The following COL5A1 variants were observed in gnomAD, a reference collection of about 807,000 sequenced individuals.
COL5A1 encodes the protein collagen alpha-1(V) chain.
In COL5A1, 16 loss-of-function variants were observed where a neutral mutation model predicts 263.7. The ratio of observed to expected loss-of-function variants is 0.06; its 90% CI spans 0.04 to 0.09. The LOEUF is 0.09. COL5A1 is among the 10% of genes least tolerant of loss of function. COL5A1 has a pLI of 1.00. For missense variants in COL5A1, 2,036 were observed against 2,540.5 expected (o/e 0.80, Z 4.27); for synonymous variants, 1,012 against 1,004.5 (o/e 1.01, Z -0.14).
intron 64 of COL5A1, among the ~76,000 whole-genome samples, chr9:134,833,898 G>A (rs541829415): frequency 2.0e-4 from 31 of 152,312 alleles, no homozygotes; most frequent in South Asian, 1.5e-3. Flanking sequence ...GAGGGACATC[G>A]GGAGGGCTGG....
intron 11 of COL5A1, among the ~76,000 whole-genome samples, chr9:134,744,541 C>A (rs1835413632): frequency 6.8e-6 from 1 of 147,930 alleles, no homozygotes; most frequent in African/African-American, 2.5e-5. Context: ...ACACTCACAC[C>A]CACACATGCA....
chr9:134,829,117 C>CCGT (rs1839460034), intron 63 of COL5A1, among the ~76,000 whole-genome samples: 1 of 144,648 alleles, frequency 6.9e-6, no homozygotes, highest in African/African-American at 2.6e-5. Context: ...TTCCCTTGGT[C>CCGT]CATCATTCAT....
chr9:134,723,701 C>T (rs1448093518), intron 4 of COL5A1, among the ~76,000 whole-genome samples: 1 of 151,946 alleles, frequency 6.6e-6, no homozygotes, highest in Non-Finnish European at 1.5e-5. Flanking sequence ...CTGGATGGGG[C>T]GAGGCAGGGG....
At chr9:134,775,629 G>A (rs746711742) in intron 27 of COL5A1, among the ~76,000 whole-genome samples, 1 of 152,190 alleles carries the variant, frequency 6.6e-6, no homozygotes, top group Non-Finnish European at 1.5e-5. Context: ...TGTGTAGACA[G>A]ACATACCCCT....
intron 1 of COL5A1, among the ~76,000 whole-genome samples, chr9:134,659,935 T>C (rs1382718932): frequency 6.6e-6 from 1 of 152,110 alleles, no homozygotes; most frequent in Non-Finnish European, 1.5e-5. Flanking sequence ...GTGCTGCCTG[T>C]TTAGTTTCAG....
intron 24 of COL5A1, among the ~76,000 whole-genome samples, chr9:134,768,155 GAGA>G (rs1016009232): frequency 3.0e-4 from 45 of 152,340 alleles, no homozygotes; most frequent in African/African-American, 9.6e-4. Context: ...GGTGGATGTG[GAGA>G]AGAATGGGGG....
chr9:134,842,401 G>A lies in COL5A1; in HGVS notation c.*98G>A. 7.0e-7 allele frequency: 1 copy of A among 1,435,560 alleles called. No individual in the cohort carries two copies. Among genetic ancestry groups the A allele is most frequent in the East Asian group, 2.4e-5 (1 of 41,632 alleles). 88.9% of individuals were successfully genotyped at this position (1,435,560 alleles called of 1,614,324 possible). A position where few individuals can be genotyped will look rare whatever the true frequency, so the allele number is the denominator to read the frequency against. On this transcript the variant is annotated 3_prime_UTR_variant, in exon 66 of 66. Transcript: ENST00000371817. The surrounding 1 kb of genome is among the most constrained non-coding windows in gnomAD (Gnocchi z 5.8). ...CACGTCCTGACCCTGGACAGTGAAG[G>A]CTTCTCCCTCCCCTCCCACCTGACT...
intron 11 of COL5A1, among the ~76,000 whole-genome samples, chr9:134,745,280 G>A (rs779707637): frequency 3.9e-5 from 6 of 152,228 alleles, no homozygotes; most frequent in Non-Finnish European, 8.8e-5. Context: ...GGAGAGAGAG[G>A]TGAAGGGAGC....
chr9:134,812,339 G>T lies in COL5A1; in HGVS notation c.3691-110G>T, dbSNP rs541220034. 8.3e-5 allele frequency: 96 copies of T among 1,151,544 alleles called. No individual in the cohort carries two copies. In the South Asian group the frequency reaches 1.2e-3, roughly 14 times the overall value. The allele number at this position is 1,151,544 out of a possible 1,614,324, so 71.3% of individuals were successfully genotyped here. On this transcript the variant is annotated intron_variant, in intron 46 of 65. Transcript: ENST00000371817. The stretch of plus-strand genomic sequence containing the variant: ...CTATGCACAGAGAAGCACCTTCCCG[G>T]GGCTTCGGGGGCTCAGTGGTGCTGT...
chr9:134,812,725 C>T lies in COL5A1; in HGVS notation c.3852+13C>T, dbSNP rs1450300788. On this transcript the variant is annotated intron_variant, in intron 48 of 65. Transcript: ENST00000371817. ...AGTGGGAGAGAAGGTGAGGCTCGTG[C>T]CTGCTCTGGTGGCAGATTTGCGGTT... The T allele has an allele frequency of 2.0e-6, 3 of 1,532,432 alleles. No homozygotes were observed. The highest frequency in any genetic ancestry group is 1.9e-4 in the Middle Eastern group (1 of 5,310). 94.9% of individuals were successfully genotyped at this position (1,532,432 alleles called of 1,614,324 possible).
intron 65 of COL5A1, among the ~76,000 whole-genome samples, chr9:134,839,173 G>T (rs78158265): frequency 6.6e-6 from 1 of 152,206 alleles, no homozygotes; most frequent in Admixed American, 6.5e-5. Flanking sequence ...TGACGGGGCC[G>T]CTGAGCGGGC....
At position 134,647,008 on chromosome 9, in the gene COL5A1, T is replaced by C. The variant is rs1831497167; in HGVS notation, c.109+4712T>C. On this transcript the variant is annotated intron_variant, in intron 1 of 65. Transcript: ENST00000371817. The surrounding 1 kb of genome is among the most constrained non-coding windows in gnomAD (Gnocchi z 5.0). ...GATTGAGGCCACACCTGTGAGAAGC[T>C]TTGCAGGCTGCCTGACCTGTACTCG... 6.6e-6 allele frequency among the ~76,000 whole-genome samples: 1 copy of C among 152,188 alleles called. No individual in the cohort carries two copies. Among genetic ancestry groups the C allele is most frequent in the African/African-American group, 2.4e-5 (1 of 41,444 alleles).
At position 134,727,280 on chromosome 9, in the gene COL5A1, G is replaced by A. The variant is rs1300899218; in HGVS notation, c.669G>A (p.Gln223=). ...TTCTTTTCCAGGGTGACATCCAGCA[G>A]CTGCTCTTTGTCTCGGACCACCGGG... ...DEEVFEGDIQ[Q]LLFVSDHRAA... is the part of the protein sequence containing the mutation. Residue 223 remains glutamine (Q), a synonymous_variant, in exon 5 of 66, where the codon CAG becomes CAA. Coordinates refer to ENST00000371817, the MANE Select transcript of COL5A1 (RefSeq NM_000093.5). The A allele has an allele frequency of 6.2e-7, 1 of 1,613,938 alleles. No individual in the cohort carries two copies. Among genetic ancestry groups the A allele is most frequent in the Middle Eastern group, 1.7e-4 (1 of 5,964 alleles).
At position 134,813,923 on chromosome 9, in the gene COL5A1, G is replaced by A. The variant is rs78907594; in HGVS notation, c.3853-60G>A. ...CAGGATTTGGCAAATGCTTGAAACC[G>A]TAGCACTGCGTTCATCGCGGTGCTC... On this transcript the variant is annotated intron_variant, in intron 48 of 65. Transcript: ENST00000371817. The A allele has an allele frequency of 3.7e-5, 57 of 1,526,558 alleles. No individual in the cohort carries two copies. In the South Asian group the frequency reaches 5.3e-4, roughly 14 times the overall value. 94.6% of individuals were successfully genotyped at this position (1,526,558 alleles called of 1,614,324 possible). A position where few individuals can be genotyped will look rare whatever the true frequency, so the allele number is the denominator to read the frequency against.
At chr9:134,795,603 C>G (rs917721227) in intron 34 of COL5A1, among the ~76,000 whole-genome samples, 2 of 152,146 alleles carry the variant, frequency 1.3e-5, no homozygotes, top group Non-Finnish European at 2.9e-5. Context: ...AGCAGGGGGC[C>G]AGGCCCACCG....
intron 64 of COL5A1, among the ~76,000 whole-genome samples, chr9:134,831,966 A>T (rs527838693): frequency 6.6e-6 from 1 of 152,276 alleles, no homozygotes; most frequent in East Asian, 1.9e-4. Flanking sequence ...GGCCTCTCAA[A>T]GATACCCAGA....
chr9:134,661,703 T>C (rs867833416), intron 1 of COL5A1, among the ~76,000 whole-genome samples: 74 of 152,094 alleles, frequency 4.9e-4, no homozygotes, highest in African/African-American at 1.7e-3. Context: ...CCCAGCACCT[T>C]CTTAGCTGTA....
At chr9:134,809,558 T>A (rs117676361) in intron 43 of COL5A1, among the ~76,000 whole-genome samples, 1,808 of 152,330 alleles carry the variant, frequency 0.012, 17 homozygotes, top group Non-Finnish European at 0.019. Context: ...ACATTTGCTG[T>A]GAGTAGCCAC....
At chr9:134,668,355 G>A (rs1203208832) in intron 1 of COL5A1, among the ~76,000 whole-genome samples, 1 of 152,214 alleles carries the variant, frequency 6.6e-6, no homozygotes, top group African/African-American at 2.4e-5. Flanking sequence ...GGAGTCGGGG[G>A]AAGAGGAGGA....
Sources: gnomAD v4.1 joint callset for allele counts (sites outside exome capture counted in the v4.1 genomes callset) on GRCh38, gnomAD v4.1.1 for gene constraint, Gnocchi (gnomAD v3.1) non-coding constraint, MANE v1.5 for transcripts, NCBI Gene and HGNC (gene_info 2026-07-23, HGNC 2026-07-21) for gene names.